The following RALGPS2 variants were observed in gnomAD, a reference collection of about 807,000 sequenced individuals.
The protein encoded by RALGPS2 is ras-specific guanine nucleotide-releasing factor RalGPS2.
A neutral mutation model predicts 86.8 loss-of-function variants in RALGPS2; 43 were observed. The observed-to-expected ratio is 0.50, with a 90% CI of 0.39 to 0.64. The LOEUF (loss-of-function observed/expected upper bound fraction) is 0.64. Ranked by LOEUF, RALGPS2 falls within the 30% of genes least tolerant of loss-of-function variation. RALGPS2 has a pLI of 0.00. For synonymous variants in RALGPS2, 243 were observed against 231.3 expected, an observed-to-expected ratio of 1.05 and a Z score of -0.46; for missense variants, 536 against 694.6, an observed-to-expected ratio of 0.77 and a Z score of 2.57.
intron 8 of RALGPS2, among the ~76,000 whole-genome samples, chr1:178,867,176 A>G (rs1658467809): frequency 6.6e-6 from 1 of 152,108 alleles, no homozygotes; most frequent in African/African-American, 2.4e-5. Context: ...ACAGTAATTA[A>G]TATTTATTGA....
chr1:178,910,773 A>G (rs1328995526), intron 19 of RALGPS2, among the ~76,000 whole-genome samples: 1 of 152,182 alleles, frequency 6.6e-6, no homozygotes, highest in African/African-American at 2.4e-5. Context: ...TGTTGGCTTC[A>G]TGGAATGAGT....
intron 8 of RALGPS2, among the ~76,000 whole-genome samples, chr1:178,863,479 T>G (rs1658171311): frequency 6.6e-6 from 1 of 152,246 alleles, no homozygotes; most frequent in Admixed American, 6.5e-5. Flanking sequence ...GTGTGTTTGT[T>G]TGAATCTAGG....
chr1:178,751,891 A>T (rs1651700881), intron 1 of RALGPS2, among the ~76,000 whole-genome samples: 1 of 152,202 alleles, frequency 6.6e-6, no homozygotes, highest in South Asian at 2.1e-4. Context: ...AAAAGACCAG[A>T]GGGATCTTTA....
chr1:178,887,856 A>C (rs183847407), intron 13 of RALGPS2, among the ~76,000 whole-genome samples: 21 of 152,336 alleles, frequency 1.4e-4, no homozygotes, highest in African/African-American at 4.6e-4. Flanking sequence ...CAGTATGAAG[A>C]ATAATTTTGC....
At chr1:178,881,223 C>G (rs963973039) in intron 10 of RALGPS2, among the ~76,000 whole-genome samples, 2 of 152,082 alleles carry the variant, frequency 1.3e-5, no homozygotes, top group Admixed American at 1.3e-4. Context: ...GGGACCTAAC[C>G]TAGCTTTACC....
chr1:178,753,701 A>C (rs971738558), intron 1 of RALGPS2: 4 of 152,226 alleles, frequency 2.6e-5, no homozygotes, highest in African/African-American at 9.6e-5. Flanking sequence ...CGAGTTAGAG[A>C]TACTTATGTA....
At chr1:178,870,742 T>A (rs995103129) in intron 8 of RALGPS2, 4 of 152,206 alleles carry the variant, frequency 2.6e-5, no homozygotes, top group African/African-American at 9.6e-5. Context: ...ATTAAATACC[T>A]TTTTGTGTCT....
intron 1 of RALGPS2, among the ~76,000 whole-genome samples, chr1:178,766,595 G>A (rs1305991713): frequency 1.3e-5 from 2 of 152,158 alleles, no homozygotes; most frequent in African/African-American, 2.4e-5. Context: ...TGGCTTGTAG[G>A]TTTTTGGCTC....
At chr1:178,862,527 A>G (rs1190927581) in intron 8 of RALGPS2, among the ~76,000 whole-genome samples, 3 of 152,190 alleles carry the variant, frequency 2.0e-5, no homozygotes, top group African/African-American at 7.2e-5. Flanking sequence ...AGAGGTATTC[A>G]TGGAGAGGAA....
At chr1:178,903,176 A>G (rs912429192) in intron 18 of RALGPS2, among the ~76,000 whole-genome samples, 5 of 152,142 alleles carry the variant, frequency 3.3e-5, no homozygotes, top group Middle Eastern at 3.2e-3. Flanking sequence ...CTTCACAACT[A>G]TATTTTGACC....
rs57255523 is a variant in RALGPS2 at position 178,835,268 on chromosome 1, T to C, written c.607+1718T>C. Reference sequence around the variant, plus strand: ...TTCCACAATGACTCTACAGTCCTTATTTTTCAAGTCATTGAATTTTCTTCT... The same window carrying C: ...TTCCACAATGACTCTACAGTCCTTACTTTTCAAGTCATTGAATTTTCTTCT... On this transcript the variant is annotated intron_variant, in intron 8 of 19. Transcript: ENST00000367635. Among the ~76,000 whole-genome samples, 1,505 of 152,370 alleles carry C rather than the reference T, an allele frequency of 9.9e-3. 24 individuals carry two copies. The highest frequency in any genetic ancestry group is 0.035 in the African/African-American group (1,435 of 41,590).
intron 10 of RALGPS2, among the ~76,000 whole-genome samples, chr1:178,882,107 A>G (rs1053366124): frequency 3.9e-5 from 6 of 152,314 alleles, no homozygotes; most frequent in Admixed American, 2.6e-4. Flanking sequence ...TGTTGTAAGC[A>G]GCTGGCACTC....
intron 6 of RALGPS2, among the ~76,000 whole-genome samples, chr1:178,814,725 C>T (rs138154297): frequency 7.2e-5 from 11 of 152,266 alleles, no homozygotes; most frequent in South Asian, 2.1e-4. Context: ...GCTGGGATTA[C>T]AAGTGTGAGC....
At chr1:178,753,725 G>A (rs1293235728) in intron 1 of RALGPS2, 1 of 152,136 alleles carries the variant, frequency 6.6e-6, no homozygotes, top group African/African-American at 2.4e-5. Flanking sequence ...AGTGCTTTAA[G>A]CAGGAAGAAA....
At chr1:178,892,987 T>C (rs879929482) in intron 15 of RALGPS2, among the ~76,000 whole-genome samples, 1 of 152,142 alleles carries the variant, frequency 6.6e-6, no homozygotes. Context: ...TGAATATAAA[T>C]AGCTCTAGCA....
intron 1 of RALGPS2, among the ~76,000 whole-genome samples, chr1:178,772,826 C>T (rs1572314021): frequency 6.6e-6 from 1 of 152,118 alleles, no homozygotes; most frequent in African/African-American, 2.4e-5. Flanking sequence ...TTTTTTGAGG[C>T]GGAGTCTCGC....
At chr1:178,875,558 G>C (rs1157092027) in intron 8 of RALGPS2, among the ~76,000 whole-genome samples, 1 of 152,030 alleles carries the variant, frequency 6.6e-6, no homozygotes, top group Non-Finnish European at 1.5e-5. Context: ...GACCAGCCTG[G>C]CCAACATGGT....
At chr1:178,766,890 G>A (rs1652533067) in intron 1 of RALGPS2, among the ~76,000 whole-genome samples, 1 of 152,218 alleles carries the variant, frequency 6.6e-6, no homozygotes. Context: ...GAGTCGTAGA[G>A]TTGGTCTCTT....
chr1:178,764,612 C>T (rs1652406517), intron 1 of RALGPS2, among the ~76,000 whole-genome samples: 1 of 152,150 alleles, frequency 6.6e-6, no homozygotes, highest in Admixed American at 6.5e-5. Flanking sequence ...TTTTCCTTTC[C>T]ATGTTTAGCA....
Sources: gnomAD v4.1 joint callset for allele counts (sites outside exome capture counted in the v4.1 genomes callset) on GRCh38, gnomAD v4.1.1 for gene constraint, MANE v1.5 for transcripts, NCBI Gene and HGNC (gene_info 2026-07-23, HGNC 2026-07-21) for gene names.